NAALADL2: variants seen among roughly 807,000 people sequenced by gnomAD.
NAALADL2 encodes the protein inactive N-acetylated-alpha-linked acidic dipeptidase-like protein 2.
NAALADL2 carries 76 observed loss-of-function variants against 87.2 expected under a neutral mutation model. That is an observed-to-expected ratio of 0.87 (90% CI 0.72 to 1.05). The LOEUF (loss-of-function observed/expected upper bound fraction) is 1.05. Ranked by LOEUF, NAALADL2 falls within the 50% of genes least tolerant of loss-of-function variation. The pLI is 0.00. For synonymous variants in NAALADL2, 354 were observed against 331.0 expected (o/e 1.07, Z -0.75); for missense variants, 1,089 against 945.8 (o/e 1.15, Z -1.99).
chr3:174,584,579 G>T (rs368214954), intron 2 of NAALADL2, among the ~76,000 whole-genome samples: 5 of 151,880 alleles, frequency 3.3e-5, no homozygotes, highest in African/African-American at 1.2e-4. Flanking sequence ...TATCAGTATT[G>T]ATTCAAAAAA....
chr3:174,507,484 T>A (rs1400602365), intron 1 of NAALADL2, among the ~76,000 whole-genome samples: 1 of 152,130 alleles, frequency 6.6e-6, no homozygotes, highest in East Asian at 1.9e-4. Context: ...ACAGTTTGTA[T>A]ACATGCATTA....
rs765903866 is a variant in NAALADL2, at chr3:175,467,101, G to A, written c.1450G>A (p.Gly484Arg). ...TGCCTTGATGTCAAAAGTTAAGAGA[G>A]GGTGGAGACCAGACCGAACTATTGT... ...IRALMSKVKR[G>R]WRPDRTIVFC... The change falls in exon 8 of 14, where the codon GGG becomes AGG. Residue 484 changes from glycine (G) to arginine (R), a missense_variant. Gly to Arg is a moderately radical substitution (Grantham distance 125). Coordinates refer to ENST00000454872, the MANE Select transcript of NAALADL2 (RefSeq NM_207015.3). 6.2e-7 allele frequency: 1 copy of A among 1,613,936 alleles called. No homozygotes were observed.
chr3:174,922,522 C>G (rs749655370), intron 1 of NAALADL2, among the ~76,000 whole-genome samples: 1 of 152,074 alleles, frequency 6.6e-6, no homozygotes, highest in South Asian at 2.1e-4. Context: ...AACCACAGCT[C>G]TAATTTGAAT....
chr3:174,956,742 A>G (rs1320413086), intron 1 of NAALADL2, among the ~76,000 whole-genome samples: 1 of 152,010 alleles, frequency 6.6e-6, no homozygotes, highest in African/African-American at 2.4e-5. Context: ...AGTTAGATCA[A>G]GATGATGGAG....
intron 2 of NAALADL2, among the ~76,000 whole-genome samples, chr3:174,666,979 A>G (rs1030770447): frequency 6.6e-6 from 1 of 152,082 alleles, no homozygotes; most frequent in Non-Finnish European, 1.5e-5. Flanking sequence ...AGTGTCCTCA[A>G]GGTTTATTTA....
intron 5 of NAALADL2, among the ~76,000 whole-genome samples, chr3:175,391,223 T>G (rs1242099741): frequency 6.6e-6 from 1 of 152,156 alleles, no homozygotes; most frequent in African/African-American, 2.4e-5. Flanking sequence ...ACCACATACC[T>G]CATGTTGGGA....
intron 9 of NAALADL2, among the ~76,000 whole-genome samples, chr3:175,497,484 C>T (rs1164087714): frequency 2.6e-5 from 4 of 152,076 alleles, no homozygotes; most frequent in Non-Finnish European, 2.9e-5. Context: ...TGCAATCATT[C>T]ATATAAAATT....
At chr3:175,605,645 T>TTTTTTTTG (rs1553931394) in intron 10 of NAALADL2, among the ~76,000 whole-genome samples, 5 of 33,176 alleles carry the variant, frequency 1.5e-4, no homozygotes, top group African/African-American at 2.6e-4. Context: ...TGCTTGTTTT[T>TTTTTTTTG]TTTTTTTTTT....
At chr3:175,739,088 C>T (rs1744910484) in intron 12 of NAALADL2, among the ~76,000 whole-genome samples, 1 of 151,926 alleles carries the variant, frequency 6.6e-6, no homozygotes, top group South Asian at 2.1e-4. Flanking sequence ...CATCTAAAAG[C>T]AATAACTATC....
rs115508307 is a variant in NAALADL2, at chr3:174,851,077, C to T, written c.-9+113331C>T. On this transcript the variant is annotated intron_variant, in intron 3 of 3. Coordinates refer to the NAALADL2 transcript ENST00000434257. ...TTCTAGAAACAAATGAAAATGGACA[C>T]GCAACATACCAAAACCAATATGACA... Among the ~76,000 whole-genome samples the T allele has an allele frequency of 4.4e-3, 671 of 151,958 alleles. 4 individuals carry two copies. The highest frequency in any genetic ancestry group is 0.013 in the African/African-American group (535 of 41,494).
At chr3:175,037,380 G>C (rs572914884) in intron 1 of NAALADL2, among the ~76,000 whole-genome samples, 2 of 152,134 alleles carry the variant, frequency 1.3e-5, no homozygotes, top group Non-Finnish European at 2.9e-5. Flanking sequence ...GAGAACCAAA[G>C]AGATGAGAAA....
At chr3:175,600,560 C>T (rs1315591923) in intron 10 of NAALADL2, among the ~76,000 whole-genome samples, 5 of 37,058 alleles carry the variant, frequency 1.3e-4, no homozygotes, top group South Asian at 1.2e-3. Context: ...TTTTTTGAGA[C>T]GGAGTCTCGC....
chr3:175,139,536 CTG>C lies in NAALADL2; in HGVS notation c.545+42246_545+42247del, dbSNP rs1452530544. 1.5e-3 allele frequency among the ~76,000 whole-genome samples: 228 copies of C among 152,158 alleles called. 2 individuals carry two copies. The highest frequency in any genetic ancestry group is 5.2e-3 in the African/African-American group (218 of 41,540). On this transcript the variant is annotated intron_variant, in intron 2 of 13. Transcript: ENST00000454872. ...CAAATAGTTCTCTATCAACATTATT[CTG>C]AAATGCTACGTAGATGATTCATATA...
At chr3:174,792,223 C>T (rs1717544314) in intron 3 of NAALADL2, among the ~76,000 whole-genome samples, 1 of 136,976 alleles carries the variant, frequency 7.3e-6, no homozygotes, top group Non-Finnish European at 1.5e-5. Flanking sequence ...CCTGTCTCAA[C>T]AGAAAGAAAG....
chr3:175,157,827 T>A (rs1240333517), intron 2 of NAALADL2, among the ~76,000 whole-genome samples: 1 of 152,014 alleles, frequency 6.6e-6, no homozygotes, highest in African/African-American at 2.4e-5. Flanking sequence ...GATTAACAGT[T>A]TCCTAAATAA....
chr3:175,390,845 C>A (rs1196257216), intron 5 of NAALADL2, among the ~76,000 whole-genome samples: 1 of 152,062 alleles, frequency 6.6e-6, no homozygotes, highest in Non-Finnish European at 1.5e-5. Context: ...AATCTGTATG[C>A]CAAGCAGAAA....
intron 1 of NAALADL2, among the ~76,000 whole-genome samples, chr3:174,941,923 C>T (rs1560392913): frequency 6.6e-6 from 1 of 152,096 alleles, no homozygotes; most frequent in Admixed American, 6.6e-5. Flanking sequence ...CTCTTGAAGA[C>T]AGCATACCAC....
chr3:175,022,038 A>G (rs1316999803), intron 1 of NAALADL2, among the ~76,000 whole-genome samples: 2 of 151,876 alleles, frequency 1.3e-5, no homozygotes, highest in Non-Finnish European at 2.9e-5. Context: ...CTGGTTGTTA[A>G]ATAGAGCTTG....
At chr3:175,479,982 C>T (rs1726225149) in intron 9 of NAALADL2, among the ~76,000 whole-genome samples, 1 of 151,702 alleles carries the variant, frequency 6.6e-6, no homozygotes, top group African/African-American at 2.4e-5. Context: ...CCTTCAGGTG[C>T]TCAAACACTG....
Sources: gnomAD v4.1 joint callset for allele counts (sites outside exome capture counted in the v4.1 genomes callset) on GRCh38, gnomAD v4.1.1 for gene constraint, MANE v1.5 for transcripts, NCBI Gene and HGNC (gene_info 2026-07-23, HGNC 2026-07-21) for gene names.